Variants in SEMA3C observed in about 807,000 individuals in gnomAD.
SEMA3C encodes the protein semaphorin-3C.
SEMA3C carries 47 observed loss-of-function variants against 89.4 expected under a neutral mutation model. The ratio of observed to expected loss-of-function variants is 0.53; its 90% CI spans 0.42 to 0.67. The LOEUF (loss-of-function observed/expected upper bound fraction) is 0.67. Ranked by LOEUF, SEMA3C falls within the 30% of genes least tolerant of loss-of-function variation. SEMA3C has a pLI of 0.00. For synonymous variants in SEMA3C, 310 were observed against 320.2 expected (o/e 0.97, Z 0.34); for missense variants, 839 against 929.1 (o/e 0.90, Z 1.26).
At chr7:80,843,598 G>A (rs906846836) in intron 2 of SEMA3C, among the ~76,000 whole-genome samples, 4 of 152,144 alleles carry the variant, frequency 2.6e-5, no homozygotes, top group African/African-American at 9.7e-5. Flanking sequence ...AACACCTGGA[G>A]CATAATAGCT....
At chr7:80,809,922 A>G (rs1789428149) in intron 6 of SEMA3C, among the ~76,000 whole-genome samples, 2 of 152,092 alleles carry the variant, frequency 1.3e-5, no homozygotes, top group Non-Finnish European at 2.9e-5. Context: ...TCATAGAAAC[A>G]GAGGGTAGAA....
chr7:80,807,502 A>G (rs1789370044), intron 6 of SEMA3C, among the ~76,000 whole-genome samples: 1 of 152,214 alleles, frequency 6.6e-6, no homozygotes, highest in Non-Finnish European at 1.5e-5. Flanking sequence ...GATAAATGTC[A>G]CTTTGGTAAC....
At chr7:80,843,864 T>C (rs1291694375) in intron 2 of SEMA3C, among the ~76,000 whole-genome samples, 5 of 152,212 alleles carry the variant, frequency 3.3e-5, no homozygotes, top group African/African-American at 1.2e-4. Flanking sequence ...AAAGTTTTCT[T>C]ACTCTTTACC....
chr7:80,805,518 C>A, intron 7 of SEMA3C, 121 bp downstream of exon 7: 1 of 722,904 alleles, frequency 1.4e-6, no homozygotes, highest in Non-Finnish European at 2.1e-6. Context: ...ACAGAATTAC[C>A]ATTATTCATG....
intron 12 of SEMA3C, among the ~76,000 whole-genome samples, chr7:80,767,112 T>C (rs1383504290): frequency 6.6e-6 from 1 of 152,180 alleles, no homozygotes; most frequent in African/African-American, 2.4e-5. Context: ...GCTCTAAAGC[T>C]TTTTAATAAG....
rs1179102219 is a variant in SEMA3C at position 80,787,390 on chromosome 7, TAA to T, written c.1354+1914_1354+1915del. On this transcript the variant is annotated intron_variant, in intron 12 of 17. Coordinates refer to ENST00000265361, the MANE Select transcript of SEMA3C (RefSeq NM_006379.5). ...CTGGGTGATAGAGCAAGACTCCGTTTAAAAAAAAAAAAAAAAAAAAAAAAAGG... is the reference window on the plus strand; with the variant it reads ...CTGGGTGATAGAGCAAGACTCCGTTTAAAAAAAAAAAAAAAAAAAAAAAGG... Among the ~76,000 whole-genome samples the T allele has an allele frequency of 8.7e-3, 873 of 99,910 alleles. 19 individuals carry two copies. The East Asian group carries it at 0.11, about 13-fold the overall frequency. The allele number at this position is 99,910 out of a possible 152,430, so 65.5% of individuals were successfully genotyped here.
At chr7:80,781,886 A>C (rs1788699184) in intron 12 of SEMA3C, among the ~76,000 whole-genome samples, 1 of 152,194 alleles carries the variant, frequency 6.6e-6, no homozygotes, top group South Asian at 2.1e-4. Context: ...TAAATGAGCC[A>C]GTGGTGCAAA....
intron 2 of SEMA3C, among the ~76,000 whole-genome samples, chr7:80,870,539 A>G (rs536291215): frequency 6.6e-6 from 1 of 152,296 alleles, no homozygotes; most frequent in South Asian, 2.1e-4. Flanking sequence ...GACAAACACT[A>G]ACACAGACAG....
At chr7:80,805,828 T>C in intron 6 of SEMA3C, 70 bp from the exon 7 acceptor site, 1 of 1,100,824 alleles carries the variant, frequency 9.1e-7, no homozygotes, top group Non-Finnish European at 1.3e-6. Flanking sequence ...TGAGTTTATT[T>C]ATTAGGAGAT....
chr7:80,817,868 T>C (rs1789645605), intron 5 of SEMA3C, among the ~76,000 whole-genome samples: 1 of 152,236 alleles, frequency 6.6e-6, no homozygotes, highest in South Asian at 2.1e-4. Flanking sequence ...TTACACTAGA[T>C]TTGAGAAGGT....
At chr7:80,919,747 C>T (rs563018055), upstream of SEMA3C, among the ~76,000 whole-genome samples, 5 of 152,066 alleles carry the variant, frequency 3.3e-5, no homozygotes, top group South Asian at 8.3e-4. Context: ...CACCACCACG[C>T]CCAGCTAATT....
At chr7:80,856,340 A>C (rs529312014) in intron 2 of SEMA3C, among the ~76,000 whole-genome samples, 1 of 152,116 alleles carries the variant, frequency 6.6e-6, no homozygotes, top group Admixed American at 6.6e-5. Flanking sequence ...TCTTATATAT[A>C]ATAATACATC....
chr7:80,879,855 G>A (rs1486199061), intron 2 of SEMA3C, among the ~76,000 whole-genome samples: 1 of 152,142 alleles, frequency 6.6e-6, no homozygotes, highest in Non-Finnish European at 1.5e-5. Context: ...AACCTCTTCA[G>A]GGTGACATGG....
At chr7:80,904,666 A>C (rs907820070) in intron 2 of SEMA3C, among the ~76,000 whole-genome samples, 3 of 152,234 alleles carry the variant, frequency 2.0e-5, no homozygotes, top group Non-Finnish European at 4.4e-5. Context: ...TATTATTAAA[A>C]GGAGTTCCCT....
chr7:80,836,408 T>C (rs544631050), intron 2 of SEMA3C, among the ~76,000 whole-genome samples: 3 of 152,322 alleles, frequency 2.0e-5, no homozygotes, highest in Non-Finnish European at 4.4e-5. Context: ...CTGGGCGCGG[T>C]GGCTCACGCC....
chr7:80,769,459 A>T (rs1286607065), intron 12 of SEMA3C, among the ~76,000 whole-genome samples: 1 of 152,218 alleles, frequency 6.6e-6, no homozygotes, highest in Non-Finnish European at 1.5e-5. Context: ...TGAGAGCAAA[A>T]TTTTACAGAA....
At chr7:80,763,435 C>T (rs1167534817) in intron 13 of SEMA3C, among the ~76,000 whole-genome samples, 1 of 152,162 alleles carries the variant, frequency 6.6e-6, no homozygotes, top group Non-Finnish European at 1.5e-5. Context: ...CTGGCACACA[C>T]ATCAGTAAGA....
chr7:80,867,095 CA>C (rs1274805638), intron 2 of SEMA3C, among the ~76,000 whole-genome samples: 8 of 152,068 alleles, frequency 5.3e-5, no homozygotes, highest in Non-Finnish European at 1.0e-4. Flanking sequence ...ACAAAATACA[CA>C]ACAAAATTAC....
chr7:80,790,120 GA>G (rs1386875947), intron 11 of SEMA3C, among the ~76,000 whole-genome samples: 1 of 151,730 alleles, frequency 6.6e-6, no homozygotes, highest in African/African-American at 2.4e-5. Flanking sequence ...TCATCTCTGG[GA>G]AAAAAGTTAA....
Sources: gnomAD v4.1 joint callset for allele counts (sites outside exome capture counted in the v4.1 genomes callset) on GRCh38, gnomAD v4.1.1 for gene constraint, MANE v1.5 for transcripts, NCBI Gene and HGNC (gene_info 2026-07-23, HGNC 2026-07-21) for gene names.